ALS2: variants seen among roughly 807,000 people sequenced by gnomAD.
ALS2 encodes alsin.
Under a neutral mutation model 203.4 loss-of-function variants are expected in ALS2, and 117 were observed. That is an observed-to-expected ratio of 0.58 (90% CI 0.50 to 0.67). The LOEUF is 0.67. ALS2 is among the 30% of genes least tolerant of loss of function. The probability of loss-of-function intolerance (pLI) is 0.00; values close to 1 mark genes in which losing one functional copy is unlikely to be tolerated. For synonymous variants in ALS2, 718 were observed against 725.9 expected (o/e 0.99, Z 0.17); for missense variants, 1,715 against 1,989.4 (o/e 0.86, Z 2.62).
intron 29 of ALS2, among the ~76,000 whole-genome samples, chr2:201,705,948 C>CAA (rs36043130): frequency 0.094 from 13,455 of 143,576 alleles, 667 homozygotes; most frequent in East Asian, 0.24. Flanking sequence ...GACTCCGTCT[C>CAA]AAAAAAAAAA....
At chr2:201,727,136 T>C in intron 17 of ALS2, 76 bp downstream of exon 17, 1 of 1,314,310 alleles carries the variant, frequency 7.6e-7, no homozygotes, top group Admixed American at 1.7e-5. Context: ...AAGAACAATT[T>C]ATATTTCTTC....
intron 31 of ALS2, 102 bp from the exon 32 acceptor site, chr2:201,704,705 T>A: frequency 7.6e-7 from 1 of 1,314,950 alleles, no homozygotes; most frequent in African/African-American, 1.5e-5. Flanking sequence ...TCACATGCCT[T>A]AACCCGGACA....
intron 5 of ALS2, among the ~76,000 whole-genome samples, chr2:201,756,353 T>C (rs1005238539): frequency 6.6e-6 from 1 of 151,818 alleles, no homozygotes; most frequent in Non-Finnish European, 1.5e-5. Context: ...TAAGTTTTAT[T>C]TGTGTAGAGG....
chr2:201,749,777 C>G lies in ALS2; in HGVS notation c.1750G>C (p.Gly584Arg). 1 of 1,613,858 alleles carries G rather than the reference C, an allele frequency of 6.2e-7. No individual in the cohort carries two copies. Among genetic ancestry groups the G allele is most frequent in the Non-Finnish European group, 8.5e-7 (1 of 1,179,896 alleles). The change falls in exon 8 of 34, where the codon GGT (glycine) becomes CGT (arginine). Residue 584 changes from glycine to arginine, a missense_variant. Physicochemically the swap from Gly to Arg is moderately radical, Grantham distance 125. Transcript: ENST00000264276. ...CCAAGTTGACCAAAGGTATTGCTAC[C>G]CCATGAGTAAACCTATCAAAAAAAC... Reference protein sequence around the residue: ...LTAKSQVYSWGSNTFGQLGHS... With the variant: ...LTAKSQVYSWRSNTFGQLGHS...
intron 5 of ALS2, among the ~76,000 whole-genome samples, chr2:201,755,087 C>T (rs1441971143): frequency 1.3e-5 from 2 of 152,148 alleles, no homozygotes; most frequent in Non-Finnish European, 2.9e-5. Context: ...CTGACAAATA[C>T]TTTTCTCATT....
intron 28 of ALS2, 75 bp from the exon 29 acceptor site, chr2:201,707,097 C>G: frequency 7.0e-7 from 1 of 1,437,590 alleles, no homozygotes; most frequent in African/African-American, 1.4e-5. Context: ...GGTAGAGCTT[C>G]AGTTTCAAAA....
In ALS2 at chr2:201,701,199, A is replaced by G. The variant is rs1344123192; in HGVS notation, c.*652T>C. The G allele has an allele frequency of 1.3e-5, 2 of 152,708 alleles. No individual in the cohort carries two copies. The highest frequency in any genetic ancestry group is 2.9e-5 in the Non-Finnish European group (2 of 68,098). 9.5% of individuals were successfully genotyped at this position (152,708 alleles called of 1,614,324 possible). On this transcript the variant is annotated 3_prime_UTR_variant, in exon 34 of 34. Coordinates refer to ENST00000264276, the MANE Select transcript of ALS2 (RefSeq NM_020919.4). The stretch of plus-strand genomic sequence containing the variant: ...TATGTTCTTTTAAGTTAAGAGGCAG[A>G]AGACTCCTATTTGGATGCATTCCAC...
At chr2:201,780,556 G>A (rs576973233) in intron 1 of ALS2, among the ~76,000 whole-genome samples, 1 of 152,210 alleles carries the variant, frequency 6.6e-6, no homozygotes, top group South Asian at 2.1e-4. Context: ...GTGGAGGCGG[G>A]AAGAGGGGGC....
chr2:201,714,673 A>G (rs1690252517), intron 25 of ALS2, among the ~76,000 whole-genome samples: 1 of 152,242 alleles, frequency 6.6e-6, no homozygotes, highest in South Asian at 2.1e-4. Context: ...CCTGTGGGCC[A>G]TGGTGCCAAT....
rs575412396 is a variant in ALS2, at chr2:201,761,495, T to C, written c.499A>G (p.Ile167Val). ...CCCCATGCCCAAATCTCTCTGCTTA[T>C]TGACAATGCCAGAGTGTGCTCCTCG... ...CGEEHTLALS[I>V]SREIWAWGTG... The change falls in exon 4 of 34, where the codon ATA becomes GTA. Residue 167 changes from isoleucine to valine, a missense_variant. By Grantham distance (29) the Ile-to-Val change is conservative. Transcript: ENST00000264276. The C allele has an allele frequency of 5.6e-6, 9 of 1,611,938 alleles. No homozygotes were observed. Among genetic ancestry groups the C allele is most frequent in the South Asian group, 5.5e-5 (5 of 91,062 alleles).
intron 4 of ALS2, among the ~76,000 whole-genome samples, chr2:201,758,169 C>T (rs1395215765): frequency 6.6e-6 from 1 of 151,820 alleles, no homozygotes; most frequent in Non-Finnish European, 1.5e-5. Flanking sequence ...TGATCCCTTT[C>T]AGGAAAATTT....
In ALS2 at chr2:201,712,540, C is replaced by A. The variant is rs543414455; in HGVS notation, c.4005-1432G>T. On this transcript the variant is annotated intron_variant, in intron 25 of 33. Coordinates refer to ENST00000264276, the MANE Select transcript of ALS2 (RefSeq NM_020919.4). ...TAAAAATTAACTGTATGTAGCTACA[C>A]GCACAGATTAAAGTATGCTCCTTGA... Among the ~76,000 whole-genome samples, 5 of 152,134 alleles carry A rather than the reference C, an allele frequency of 3.3e-5. No individual in the cohort carries two copies. In the East Asian group the frequency reaches 9.6e-4, roughly 29 times the overall value.
chr2:201,711,588 T>G (rs1690027833), intron 25 of ALS2, among the ~76,000 whole-genome samples: 1 of 151,864 alleles, frequency 6.6e-6, no homozygotes, highest in Admixed American at 6.6e-5. Context: ...GAAAACAAGG[T>G]TAAGAAGCAA....
At chr2:201,717,569 G>C (rs1241401856) in intron 24 of ALS2, among the ~76,000 whole-genome samples, 1 of 148,274 alleles carries the variant, frequency 6.7e-6, no homozygotes, top group Non-Finnish European at 1.5e-5. Context: ...CAAGACTACA[G>C]ACAAGACTAC....
chr2:201,732,046 A>T (rs1216497653), intron 13 of ALS2, among the ~76,000 whole-genome samples: 5 of 152,200 alleles, frequency 3.3e-5, no homozygotes, highest in Non-Finnish European at 7.3e-5. Flanking sequence ...AATTGAGGCC[A>T]TATTGAGGTG....
intron 3 of ALS2, chr2:201,765,930 G>T (rs894134827): frequency 1.2e-5 from 2 of 166,036 alleles, no homozygotes; most frequent in African/African-American, 4.8e-5. Flanking sequence ...TTCAATAGCT[G>T]TGTGTGCTTG....
chr2:201,757,445 C>T lies in ALS2; in HGVS notation c.1428G>A (p.Glu476=). ...SLVDIREEET[E]GGSRRLSLPG... Reference sequence around the variant, plus strand: ...GGAGGGAGAGTCTTCGACTGCCTCCCTCTGTTTCTTCTTCTCTGATATCCA... The same window carrying T: ...GGAGGGAGAGTCTTCGACTGCCTCCTTCTGTTTCTTCTTCTCTGATATCCA... The change falls in exon 5 of 34, where the codon GAG becomes GAA. Residue 476 remains glutamate (E), a synonymous_variant. Transcript: ENST00000264276. 3 of 1,614,090 alleles carry T rather than the reference C, an allele frequency of 1.9e-6. No homozygotes were observed. The highest frequency in any genetic ancestry group is 2.5e-6 in the Non-Finnish European group (3 of 1,179,990).
intron 9 of ALS2, among the ~76,000 whole-genome samples, chr2:201,746,213 C>T (rs972572132): frequency 6.6e-6 from 1 of 152,166 alleles, no homozygotes; most frequent in African/African-American, 2.4e-5. Context: ...ATTCAACAAA[C>T]ATTTATAAAG....
intron 24 of ALS2, 66 bp downstream of exon 24, chr2:201,718,011 C>A (rs188236953): frequency 6.5e-7 from 1 of 1,534,044 alleles, no homozygotes; most frequent in Non-Finnish European, 9.0e-7. Context: ...TATTAACCAG[C>A]TTTGATAAAA....
Sources: gnomAD v4.1 joint callset for allele counts (sites outside exome capture counted in the v4.1 genomes callset) on GRCh38, gnomAD v4.1.1 for gene constraint, MANE v1.5 for transcripts, NCBI Gene and HGNC (gene_info 2026-07-23, HGNC 2026-07-21) for gene names.